USP50: variants seen among roughly 807,000 people sequenced by gnomAD.
USP50 encodes ubiquitin carboxyl-terminal hydrolase 50.
In USP50, 37 loss-of-function variants were observed where a neutral mutation model predicts 39.2. That is an observed-to-expected ratio of 0.94 (90% CI 0.73 to 1.24). The LOEUF is 1.24. USP50 is among the 50% of genes most tolerant of loss of function. The probability of loss-of-function intolerance (pLI) is 0.00; values close to 1 mark genes in which losing one functional copy is unlikely to be tolerated. For missense variants in USP50, 374 were observed against 398.2 expected (o/e 0.94, Z 0.52); for synonymous variants, 139 against 144.5 (o/e 0.96, Z 0.27).
rs570660767 is a variant in USP50, at chr15:50,519,715, T to C, written c.936+10082A>G. Among the ~76,000 whole-genome samples the C allele has an allele frequency of 1.6e-3, 244 of 148,868 alleles. 1 individual carries two copies. Among genetic ancestry groups the C allele is most frequent in the South Asian group, 0.011 (52 of 4,568 alleles). Reference sequence around the variant, plus strand: ...GGGCAAAAGAGCGAGACTCCGTCTCTTAAAAAAAAAAAGCCACCCTGAAAT... The same window carrying C: ...GGGCAAAAGAGCGAGACTCCGTCTCCTAAAAAAAAAAAGCCACCCTGAAAT... On this transcript the variant is annotated intron_variant, in intron 6 of 6. Transcript: ENST00000532404.
At chr15:50,529,654 G>T in intron 6 of USP50, 143 bp downstream of exon 6, 1 of 844,244 alleles carries the variant, frequency 1.2e-6, no homozygotes, top group African/African-American at 1.7e-5. Context: ...TACTTGTCTA[G>T]GTCAAAGTGG....
At chr15:50,529,406 G>C (rs1161784422) in intron 6 of USP50, among the ~76,000 whole-genome samples, 2 of 151,944 alleles carry the variant, frequency 1.3e-5, no homozygotes, top group South Asian at 2.1e-4. Context: ...TACTTGGGGA[G>C]GATCAGTTGA....
chr15:50,500,932 C>G (rs1189471120), intron 6 of USP50, 95 bp from the exon 7 acceptor site: 1 of 1,036,386 alleles, frequency 9.6e-7, no homozygotes, highest in Non-Finnish European at 1.5e-6. Flanking sequence ...TTTAAATTGT[C>G]CCTTATTCTA....
chr15:50,497,739 C>T (rs1485034622), downstream of USP50: 1 of 152,152 alleles, frequency 6.6e-6, no homozygotes, highest in African/African-American at 2.4e-5. Context: ...AAAACACGAA[C>T]CAGATCTTTT....
intron 6 of USP50, chr15:50,508,188 T>G (rs1190936670): frequency 6.7e-6 from 1 of 148,624 alleles, no homozygotes; most frequent in African/African-American, 2.5e-5. Flanking sequence ...CTTTTGGAAA[T>G]TAAAAAAACA....
chr15:50,507,953 C>T (rs1261375261), intron 6 of USP50: 1 of 151,450 alleles, frequency 6.6e-6, no homozygotes, highest in Non-Finnish European at 1.5e-5. Flanking sequence ...GCCTGTAATC[C>T]CAGCTACTGA....
intron 5 of USP50, chr15:50,531,991 C>G: frequency 2.6e-6 from 1 of 377,666 alleles, no homozygotes; most frequent in Non-Finnish European, 5.2e-6. Context: ...GACCAGCAAA[C>G]ATAGAGAATC....
intron 6 of USP50, among the ~76,000 whole-genome samples, chr15:50,520,325 G>C (rs548229367): frequency 2.9e-4 from 43 of 147,364 alleles, no homozygotes; most frequent in South Asian, 6.5e-4. Flanking sequence ...TTTTGAGATA[G>C]GGTTTCCCTC....
At chr15:50,501,790 C>G (rs1472420411) in intron 6 of USP50, 1 of 152,032 alleles carries the variant, frequency 6.6e-6, no homozygotes, top group Non-Finnish European at 1.5e-5. Context: ...CAACTCCAGG[C>G]TGTTTTTGTA....
intron 6 of USP50, among the ~76,000 whole-genome samples, chr15:50,525,564 GTATA>G (rs1241490284): frequency 2.3e-5 from 3 of 131,320 alleles, no homozygotes; most frequent in Admixed American, 8.7e-5. Context: ...GTGTATATAT[GTATA>G]TATGTATATG....
At chr15:50,512,098 G>C (rs1161094463) in intron 6 of USP50, 2 of 152,164 alleles carry the variant, frequency 1.3e-5, no homozygotes, top group Non-Finnish European at 2.9e-5. Context: ...TGTAATCCGA[G>C]CACTTTGGGA....
chr15:50,510,595 G>T (rs1048274544), intron 6 of USP50: 4 of 152,124 alleles, frequency 2.6e-5, no homozygotes, highest in Admixed American at 6.6e-5. Context: ...GTGGTTAAGG[G>T]ATTATTTTGA....
At chr15:50,520,394 T>C (rs189455420) in intron 6 of USP50, among the ~76,000 whole-genome samples, 277 of 151,862 alleles carry the variant, frequency 1.8e-3, no homozygotes, top group African/African-American at 6.3e-3. Flanking sequence ...TCGACCTTTC[T>C]GGGCTCAAGT....
At chr15:50,498,818 AC>A, downstream of USP50, 1 of 1,549,742 alleles carries the variant, frequency 6.5e-7, no homozygotes, top group Non-Finnish European at 8.7e-7. Context: ...AAGAGTAAGA[AC>A]AACATAAAGC....
rs893303973 is a variant in USP50, at chr15:50,500,890, T to G, written c.937-53A>C. 41 of 1,381,064 alleles carry G rather than the reference T, an allele frequency of 3.0e-5. No individual in the cohort carries two copies. In the Middle Eastern group the frequency reaches 5.3e-4, roughly 18 times the overall value. 85.6% of individuals were successfully genotyped at this position (1,381,064 alleles called of 1,614,324 possible). On this transcript the variant is annotated intron_variant, in intron 6 of 6. Coordinates refer to ENST00000532404, the MANE Select transcript of USP50 (RefSeq NM_203494.5). ...GTATTCACATATGAACACTAACTAC[T>G]GGAACAGAAATGATAGGGCCAAGAG...
At chr15:50,525,725 ATATG>A (rs1481056951) in intron 6 of USP50, among the ~76,000 whole-genome samples, 2 of 98,364 alleles carry the variant, frequency 2.0e-5, no homozygotes, top group African/African-American at 7.9e-5. Flanking sequence ...GTATATGTAT[ATATG>A]TATATGTATA....
intron 6 of USP50, among the ~76,000 whole-genome samples, chr15:50,524,897 A>G (rs1355807901): frequency 6.6e-6 from 1 of 152,074 alleles, no homozygotes; most frequent in Non-Finnish European, 1.5e-5. Flanking sequence ...ATCAACAAAA[A>G]AAAAACCCTA....
Position 50,543,547 on chromosome 15 carries a change from G to A in USP50, c.444+51C>T, listed in dbSNP as rs2053046062. The stretch of plus-strand genomic sequence containing the variant: ...AGTAAAAGAATGAAAAATGGAAGCT[G>A]CTGATAAAGGTTCAGGACTATCCTA... On this transcript the variant is annotated intron_variant, in intron 3 of 6. Coordinates refer to ENST00000532404, the MANE Select transcript of USP50 (RefSeq NM_203494.5). 2.0e-6 allele frequency: 3 copies of A among 1,518,388 alleles called. No homozygotes were observed. The South Asian group carries it at 3.5e-5, about 18-fold the overall frequency. 94.1% of individuals were successfully genotyped at this position (1,518,388 alleles called of 1,614,324 possible).
At chr15:50,523,514 A>C (rs191720744) in intron 6 of USP50, among the ~76,000 whole-genome samples, 1 of 152,254 alleles carries the variant, frequency 6.6e-6, no homozygotes, top group East Asian at 1.9e-4. Context: ...TATCCAAAAA[A>C]GAAATTAAGA....
Sources: allele counts gnomAD v4.1 joint callset (sites outside exome capture counted in the v4.1 genomes callset), GRCh38; gene constraint gnomAD v4.1.1; transcripts MANE v1.5; gene names NCBI Gene and HGNC (gene_info 2026-07-23, HGNC 2026-07-21).